Variants in TOX2 observed in about 807,000 individuals in gnomAD.
TOX2 encodes the protein granulosa cell HMG box 1.
TOX2 carries 15 observed loss-of-function variants against 47.4 expected under a neutral mutation model. The ratio of observed to expected loss-of-function variants is 0.32; its 90% CI spans 0.21 to 0.49. The LOEUF is 0.49. Among genes scored for constraint, TOX2 ranks in the 20% least tolerant of loss-of-function variants. TOX2 has a pLI of 0.99. For synonymous variants in TOX2, 290 were observed against 296.6 expected (o/e 0.98, Z 0.23); for missense variants, 622 against 673.1 (o/e 0.92, Z 0.84).
chr20:43,969,976 A>G (rs916971704), intron 1 of TOX2, among the ~76,000 whole-genome samples: 1 of 152,046 alleles, frequency 6.6e-6, no homozygotes, highest in Non-Finnish European at 1.5e-5. Flanking sequence ...CCCTTGCCCT[A>G]CATCTCCAGT....
At chr20:43,931,271 T>C (rs1219852298) in intron 1 of TOX2, among the ~76,000 whole-genome samples, 1 of 152,142 alleles carries the variant, frequency 6.6e-6, no homozygotes, top group Non-Finnish European at 1.5e-5. Context: ...CCTGAGTAGC[T>C]GCGACTTCAG....
At chr20:44,012,668 G>T (rs2070797785) in intron 3 of TOX2, among the ~76,000 whole-genome samples, 1 of 152,158 alleles carries the variant, frequency 6.6e-6, no homozygotes, top group African/African-American at 2.4e-5. Flanking sequence ...CTATGAAATG[G>T]GGATTGGGAT....
chr20:44,039,674 G>C (rs1321553962), intron 3 of TOX2, among the ~76,000 whole-genome samples: 1 of 152,212 alleles, frequency 6.6e-6, no homozygotes, highest in Non-Finnish European at 1.5e-5. Flanking sequence ...CAACAGGAAC[G>C]GGGTCCTGCT....
chr20:44,051,799 GCAC>G (rs990115048), intron 4 of TOX2, among the ~76,000 whole-genome samples: 1 of 152,240 alleles, frequency 6.6e-6, no homozygotes, highest in Non-Finnish European at 1.5e-5. Flanking sequence ...GGCAGGTGGA[GCAC>G]CTGGTCAGGG....
intron 2 of TOX2, among the ~76,000 whole-genome samples, chr20:43,989,646 G>A (rs2070333128): frequency 6.6e-6 from 1 of 151,992 alleles, no homozygotes; most frequent in African/African-American, 2.4e-5. Flanking sequence ...TGGGCATGGT[G>A]GCATGTGTCT....
chr20:43,997,694 A>T (rs1328613345), intron 2 of TOX2, among the ~76,000 whole-genome samples: 2 of 152,138 alleles, frequency 1.3e-5, no homozygotes, highest in African/African-American at 4.8e-5. Flanking sequence ...TATTTCTACC[A>T]TCTTGAGTTG....
Position 44,065,808 on chromosome 20 carries a change from G to A in TOX2, c.1057G>A (p.Ala353Thr), listed in dbSNP as rs752216073. 1.9e-6 allele frequency: 3 copies of A among 1,613,812 alleles called. No homozygotes were observed. The East Asian group carries it at 6.7e-5, about 36-fold the overall frequency. Residue 353 changes from alanine to threonine, a missense_variant, in exon 7 of 9, where the codon GCC (alanine) becomes ACC (threonine). Transcript: ENST00000341197. ...KQPMYAMPGL[A>T]SFLTPSDLQA... ...GCCCATGTATGCCATGCCAGGCCTG[G>A]CCTCCTTCCTGACGCCGTCGGACCT...
Position 43,915,107 on chromosome 20 carries a change from C to T in TOX2, c.99+117C>T, listed in dbSNP as rs1475811216. On this transcript the variant is annotated intron_variant, in intron 1 of 8. Coordinates refer to ENST00000341197, the MANE Select transcript of TOX2 (RefSeq NM_001098797.2). The surrounding 1 kb of genome is among the most constrained non-coding windows in gnomAD (Gnocchi z 7.1). ...CGCACATCAGCCCCGCCGACGGGCA[C>T]GGGCGGCTCACATCGATCCCCTCGC... 3 of 512,596 alleles carry T rather than the reference C, an allele frequency of 5.9e-6. No individual in the cohort carries two copies. The highest frequency in any genetic ancestry group is 7.8e-5 in the East Asian group (1 of 12,842). The allele number at this position is 512,596 out of a possible 1,614,324, so 31.8% of individuals were successfully genotyped here.
intron 4 of TOX2, among the ~76,000 whole-genome samples, chr20:44,052,120 C>T (rs573007488): frequency 2.6e-5 from 4 of 152,296 alleles, no homozygotes; most frequent in African/African-American, 9.6e-5. Context: ...AAGACAGCAC[C>T]TCTGGGCCTA....
chr20:44,031,505 T>C (rs946863103), intron 3 of TOX2, among the ~76,000 whole-genome samples: 4 of 152,210 alleles, frequency 2.6e-5, no homozygotes, highest in African/African-American at 9.6e-5. Context: ...TGGCAAGGTC[T>C]GTGCCTGCAT....
chr20:43,994,075 C>T (rs149850746), intron 2 of TOX2, among the ~76,000 whole-genome samples: 22 of 152,134 alleles, frequency 1.4e-4, no homozygotes, highest in Admixed American at 5.2e-4. Context: ...CGCTTGAATC[C>T]GGGAGATTGA....
rs138482668 is a variant in TOX2 at position 43,948,406 on chromosome 20, G to A, written c.100-24961G>A. Among the ~76,000 whole-genome samples the A allele has an allele frequency of 2.5e-3, 385 of 152,360 alleles. 4 individuals carry two copies. The highest frequency in any genetic ancestry group is 8.9e-3 in the African/African-American group (372 of 41,586). On this transcript the variant is annotated intron_variant, in intron 1 of 8. Coordinates refer to ENST00000341197, the MANE Select transcript of TOX2 (RefSeq NM_001098797.2). ...CTGCTCTTCCACTGTGTTGGAAATCGGGTATGTGGGAGCCTCCAGAGCAGG... is the reference window on the plus strand; with the variant it reads ...CTGCTCTTCCACTGTGTTGGAAATCAGGTATGTGGGAGCCTCCAGAGCAGG...
intron 2 of TOX2, among the ~76,000 whole-genome samples, chr20:44,001,189 TCTA>T (rs1465663011): frequency 2.0e-5 from 3 of 152,184 alleles, no homozygotes; most frequent in African/African-American, 7.2e-5. Context: ...AACGGCCAAT[TCTA>T]CTGTAGGAAA....
chr20:43,990,576 C>T (rs951392125), intron 2 of TOX2, among the ~76,000 whole-genome samples: 1 of 152,226 alleles, frequency 6.6e-6, no homozygotes, highest in Non-Finnish European at 1.5e-5. Flanking sequence ...GAGGGGCCAG[C>T]ACACCTAGGT....
At chr20:43,996,425 GCCC>G (rs2070482105) in intron 2 of TOX2, among the ~76,000 whole-genome samples, 2 of 152,208 alleles carry the variant, frequency 1.3e-5, no homozygotes, top group Non-Finnish European at 2.9e-5. Flanking sequence ...GAGCAGGCCT[GCCC>G]TGGCCTAGCC....
At chr20:43,999,461 TA>T (rs1052609920) in intron 2 of TOX2, among the ~76,000 whole-genome samples, 6 of 151,500 alleles carry the variant, frequency 4.0e-5, no homozygotes, top group East Asian at 1.9e-4. Context: ...TAAAGGAAAC[TA>T]AAAAAAAATT....
intron 1 of TOX2, among the ~76,000 whole-genome samples, chr20:43,934,218 T>G (rs920925224): frequency 6.6e-6 from 1 of 150,992 alleles, no homozygotes; most frequent in Non-Finnish European, 1.5e-5. Context: ...CCTGCAGTGT[T>G]CAGGGAGGAC....
At chr20:44,060,140 G>A (rs999536953) in intron 5 of TOX2, among the ~76,000 whole-genome samples, 8 of 151,924 alleles carry the variant, frequency 5.3e-5, no homozygotes, top group Admixed American at 2.0e-4. Context: ...TTAAAGCAAC[G>A]GCAGTTGAAA....
chr20:43,931,515 G>C (rs1277672874), intron 1 of TOX2, among the ~76,000 whole-genome samples: 1 of 152,284 alleles, frequency 6.6e-6, no homozygotes, highest in African/African-American at 2.4e-5. Context: ...CTGTGCTCCT[G>C]CCCTTCCCAT....
Sources: gnomAD v4.1 joint callset for allele counts (sites outside exome capture counted in the v4.1 genomes callset) on GRCh38, gnomAD v4.1.1 for gene constraint, Gnocchi (gnomAD v3.1) non-coding constraint, MANE v1.5 for transcripts, NCBI Gene and HGNC (gene_info 2026-07-23, HGNC 2026-07-21) for gene names.